The following TENM4 variants were observed in gnomAD, a reference collection of about 807,000 sequenced individuals.
TENM4 encodes the protein teneurin-4.
Under a neutral mutation model 243.3 loss-of-function variants are expected in TENM4, and 82 were observed. That is an observed-to-expected ratio of 0.34 (90% CI 0.28 to 0.40). The LOEUF is 0.40. Ranked by LOEUF, TENM4 falls within the 10% of genes least tolerant of loss-of-function variation. The pLI is 1.00. For missense variants in TENM4, 3,138 were observed against 3,673.3 expected (o/e 0.85, Z 3.77); for synonymous variants, 1,412 against 1,456.3 (o/e 0.97, Z 0.69).
intron 1 of TENM4, among the ~76,000 whole-genome samples, chr11:79,437,405 G>A (rs573493123): frequency 6.6e-5 from 10 of 152,296 alleles, no homozygotes; most frequent in Non-Finnish European, 1.0e-4. Context: ...CGGCCGGGCC[G>A]GGGACGGGAG....
intron 2 of TENM4, among the ~76,000 whole-genome samples, chr11:79,282,372 A>C (rs1856172006): frequency 6.6e-6 from 1 of 152,216 alleles, no homozygotes; most frequent in Admixed American, 6.5e-5. Flanking sequence ...AAGGAGCTTC[A>C]TAAATCGTTG....
chr11:79,205,097 A>C (rs953080961), intron 3 of TENM4, among the ~76,000 whole-genome samples: 5 of 152,202 alleles, frequency 3.3e-5, no homozygotes, highest in African/African-American at 1.2e-4. Context: ...CGTTATCTTC[A>C]GTTGTACCTA....
At chr11:79,047,740 A>G (rs963429664) in intron 6 of TENM4, among the ~76,000 whole-genome samples, 1 of 152,148 alleles carries the variant, frequency 6.6e-6, no homozygotes, top group Non-Finnish European at 1.5e-5. Flanking sequence ...ATTCAGCCTT[A>G]TTAGGCAGGT....
chr11:78,794,403 C>T (rs926217879), intron 15 of TENM4, among the ~76,000 whole-genome samples: 6 of 152,194 alleles, frequency 3.9e-5, no homozygotes, highest in African/African-American at 7.2e-5. Context: ...CTATTGGCCT[C>T]AGCGTTCTCC....
rs114114492 is a variant in TENM4 at position 78,658,357 on chromosome 11, C to T, written c.8011G>A (p.Gly2671Arg). Residue 2671 changes from glycine (G) to arginine (R), a missense_variant, in exon 34 of 34, where the codon GGG (glycine) becomes AGG (arginine). Physicochemically the swap from Gly to Arg is moderately radical, Grantham distance 125. This residue lies in a region of TENM4 where 2,467 missense variants were observed against 3,059.1 expected (regional missense o/e 0.81). Coordinates refer to ENST00000278550, the MANE Select transcript of TENM4 (RefSeq NM_001098816.3). ...TAGCGTGTGTTCAAGCACAGTGCCCCGTACTGGAGCTGGATGTCTGTGTAG... is the reference window on the plus strand; with the variant it reads ...TAGCGTGTGTTCAAGCACAGTGCCCTGTACTGGAGCTGGATGTCTGTGTAG... ...RRYTDIQLQY[G>R]ALCLNTRYGT... 9.2e-4 allele frequency: 1,485 copies of T among 1,613,868 alleles called. 17 individuals are homozygous for T. The African/African-American group carries it at 0.016, about 17-fold the overall frequency.
intron 9 of TENM4, 84 bp downstream of exon 9, chr11:78,889,701 G>A (rs1336744714): frequency 2.9e-6 from 4 of 1,402,154 alleles, no homozygotes; most frequent in Non-Finnish European, 3.9e-6. Flanking sequence ...TGCTAGTAAG[G>A]AGCCTTCAGT....
chr11:78,711,982 G>C (rs1859408648), intron 26 of TENM4, among the ~76,000 whole-genome samples: 2 of 152,174 alleles, frequency 1.3e-5, no homozygotes, highest in Admixed American at 1.3e-4. Flanking sequence ...TCAACTTTTT[G>C]AGGGACTCAG....
At chr11:79,082,387 C>T (rs995764537) in intron 4 of TENM4, among the ~76,000 whole-genome samples, 14 of 152,080 alleles carry the variant, frequency 9.2e-5, no homozygotes, top group African/African-American at 2.7e-4. Context: ...TTTAGAGAGG[C>T]GGGAGCTAAG....
chr11:78,956,995 T>C (rs747627792), intron 6 of TENM4, among the ~76,000 whole-genome samples: 82 of 152,340 alleles, frequency 5.4e-4, no homozygotes, highest in Non-Finnish European at 1.1e-3. Context: ...AAATACCAAT[T>C]TTAAAGGGTC....
rs77306880 is a variant in TENM4 at position 79,239,491 on chromosome 11, G to A, written c.-264-23582C>T. ...TCAGGAAGGTTAATTGCAGAGTGTG[G>A]GACCAACTTAGGAGATGGCAGAGAC... On this transcript the variant is annotated intron_variant, in intron 2 of 33. Coordinates refer to ENST00000278550, the MANE Select transcript of TENM4 (RefSeq NM_001098816.3). 9.1e-3 allele frequency among the ~76,000 whole-genome samples: 1,387 copies of A among 152,146 alleles called. 8 individuals carry two copies. Among genetic ancestry groups the A allele is most frequent in the Non-Finnish European group, 0.016 (1,104 of 67,998 alleles).
intron 3 of TENM4, among the ~76,000 whole-genome samples, chr11:79,181,990 A>G (rs1462011934): frequency 6.6e-6 from 1 of 152,028 alleles, no homozygotes; most frequent in East Asian, 1.9e-4. Flanking sequence ...AAACAGGAAG[A>G]CTCAAAATTG....
At position 78,800,621 on chromosome 11, in the gene TENM4, C is replaced by T. The variant is rs986692926; in HGVS notation, c.2179+4671G>A. 5.3e-5 allele frequency among the ~76,000 whole-genome samples: 8 copies of T among 152,136 alleles called. No homozygotes were observed. The East Asian group carries it at 7.7e-4, about 15-fold the overall frequency. Reference sequence around the variant, plus strand: ...CCTGTGTTTCCAGGGGGCTCTTTTTCTTTCTTTGACTATTCACTGGTTAAG... The same window carrying T: ...CCTGTGTTTCCAGGGGGCTCTTTTTTTTTCTTTGACTATTCACTGGTTAAG... On this transcript the variant is annotated intron_variant, in intron 15 of 33. Coordinates refer to ENST00000278550, the MANE Select transcript of TENM4 (RefSeq NM_001098816.3).
At chr11:79,199,407 T>C (rs1381453463) in intron 3 of TENM4, among the ~76,000 whole-genome samples, 1 of 152,226 alleles carries the variant, frequency 6.6e-6, no homozygotes, top group Non-Finnish European at 1.5e-5. Context: ...AGAATAATAA[T>C]GTCCCTGACT....
rs757082205 is a variant in TENM4, at chr11:78,702,432, GA to G, written c.4210-30del. On this transcript the variant is annotated intron_variant, in intron 27 of 33. Coordinates refer to ENST00000278550, the MANE Select transcript of TENM4 (RefSeq NM_001098816.3). Reference sequence around the variant, plus strand: ...ACAATGAAGACACCGATACTCAAATGACTGGCAAGATGCCCACCACTAATCC... The same window carrying G: ...ACAATGAAGACACCGATACTCAAATGCTGGCAAGATGCCCACCACTAATCC... The G allele has an allele frequency of 5.7e-6, 9 of 1,588,436 alleles. No individual in the cohort carries two copies. In the East Asian group the frequency reaches 2.0e-4, roughly 36 times the overall value.
chr11:78,948,629 C>G (rs1857054070), intron 6 of TENM4, among the ~76,000 whole-genome samples: 1 of 152,194 alleles, frequency 6.6e-6, no homozygotes, highest in Non-Finnish European at 1.5e-5. Flanking sequence ...CCTTGGCCTC[C>G]CAAAGTGCTG....
At chr11:78,796,051 C>T (rs912635867) in intron 15 of TENM4, among the ~76,000 whole-genome samples, 9 of 152,088 alleles carry the variant, frequency 5.9e-5, no homozygotes, top group Admixed American at 2.0e-4. Flanking sequence ...GGAAACCACA[C>T]GGCCTTTCAC....
At chr11:79,232,156 G>T (rs1044763973) in intron 2 of TENM4, among the ~76,000 whole-genome samples, 1 of 152,220 alleles carries the variant, frequency 6.6e-6, no homozygotes, top group African/African-American at 2.4e-5. Flanking sequence ...TCCAAGAGGG[G>T]AAGTTACTGG....
intron 4 of TENM4, among the ~76,000 whole-genome samples, chr11:79,102,955 T>C (rs1016980990): frequency 6.6e-6 from 1 of 152,188 alleles, no homozygotes; most frequent in African/African-American, 2.4e-5. Flanking sequence ...AGCCAAAACA[T>C]AGCCATGTCA....
At chr11:79,384,545 A>AGC (rs1858069285) in intron 1 of TENM4, among the ~76,000 whole-genome samples, 1 of 152,168 alleles carries the variant, frequency 6.6e-6, no homozygotes, top group Non-Finnish European at 1.5e-5. Context: ...CTGCTGTATG[A>AGC]ACATGCACAA....
Sources: allele counts gnomAD v4.1 joint callset (sites outside exome capture counted in the v4.1 genomes callset), GRCh38; gene constraint gnomAD v4.1.1; regional missense constraint gnomAD v4.1.1; transcripts MANE v1.5; gene names NCBI Gene and HGNC (gene_info 2026-07-23, HGNC 2026-07-21).